The following PRKG1 variants were observed in gnomAD, a reference collection of about 807,000 sequenced individuals.
PRKG1 encodes protein kinase cGMP-dependent 1.
PRKG1 carries 35 observed loss-of-function variants against 88.1 expected under a neutral mutation model. The observed-to-expected ratio is 0.40, with a 90% CI of 0.30 to 0.53. PRKG1 has a LOEUF of 0.53. Ranked by LOEUF, PRKG1 falls within the 20% of genes least tolerant of loss-of-function variation. PRKG1 has a pLI of 0.59. For missense variants in PRKG1, 540 were observed against 839.8 expected (o/e 0.64, Z 4.41); for synonymous variants, 303 against 292.5 (o/e 1.04, Z -0.37).
intron 3 of PRKG1, among the ~76,000 whole-genome samples, chr10:51,489,011 C>T (rs1469284603): frequency 1.3e-5 from 2 of 152,096 alleles, no homozygotes; most frequent in African/African-American, 4.8e-5. Context: ...AAAAAAACTG[C>T]CGTTGGCAGG....
intron 5 of PRKG1, among the ~76,000 whole-genome samples, chr10:51,950,645 C>T (rs73337271): frequency 0.05 from 7,550 of 152,274 alleles, 616 homozygotes; most frequent in African/African-American, 0.17. Context: ...CCCTGAAGCC[C>T]CAGAGGGGGT....
At chr10:51,319,001 C>G (rs546834477) in intron 2 of PRKG1, among the ~76,000 whole-genome samples, 1 of 152,256 alleles carries the variant, frequency 6.6e-6, no homozygotes, top group African/African-American at 2.4e-5. Flanking sequence ...ATAGCATTAT[C>G]CTTGCCATTT....
chr10:51,588,464 A>G (rs1458216585), intron 3 of PRKG1, among the ~76,000 whole-genome samples: 1 of 152,200 alleles, frequency 6.6e-6, no homozygotes, highest in African/African-American at 2.4e-5. Context: ...TGCTCAATAG[A>G]TTTTGATCAA....
intron 3 of PRKG1, among the ~76,000 whole-genome samples, chr10:51,543,257 A>G (rs1165261318): frequency 6.6e-6 from 1 of 152,206 alleles, no homozygotes; most frequent in African/African-American, 2.4e-5. Context: ...AAAACAATAA[A>G]GAGTTTTAAA....
intron 1 of PRKG1, among the ~76,000 whole-genome samples, chr10:51,131,609 T>C (rs1845570367): frequency 6.6e-6 from 1 of 152,158 alleles, no homozygotes; most frequent in African/African-American, 2.4e-5. Flanking sequence ...CGTGCATACA[T>C]ACATACATAC....
intron 1 of PRKG1, among the ~76,000 whole-genome samples, chr10:51,120,544 C>T (rs553216973): frequency 3.3e-5 from 5 of 152,194 alleles, no homozygotes; most frequent in African/African-American, 1.2e-4. Context: ...AAAAGTTCAG[C>T]TCTGTCAAAT....
intron 2 of PRKG1, among the ~76,000 whole-genome samples, chr10:51,337,199 G>A (rs533384958): frequency 1.8e-4 from 28 of 152,262 alleles, no homozygotes; most frequent in African/African-American, 6.0e-4. Context: ...TAGAGAACTG[G>A]CTAGTCATAT....
At chr10:51,522,592 G>T (rs1363730931) in intron 3 of PRKG1, among the ~76,000 whole-genome samples, 1 of 152,126 alleles carries the variant, frequency 6.6e-6, no homozygotes, top group East Asian at 1.9e-4. Context: ...ATGTTTTGGG[G>T]ACAGTGAGGG....
chr10:51,493,541 A>T (rs1175590573), intron 3 of PRKG1, among the ~76,000 whole-genome samples: 1 of 152,210 alleles, frequency 6.6e-6, no homozygotes, highest in Non-Finnish European at 1.5e-5. Context: ...GACACAACAT[A>T]CTATAACTTA....
intron 3 of PRKG1, among the ~76,000 whole-genome samples, chr10:51,569,065 A>T (rs76987163): frequency 4.9e-4 from 75 of 152,178 alleles, no homozygotes; most frequent in Middle Eastern, 6.8e-3. Context: ...ATGAGCTGTT[A>T]ACCCTATACC....
intron 1 of PRKG1, among the ~76,000 whole-genome samples, chr10:51,002,872 G>T (rs1462846245): frequency 6.6e-6 from 1 of 152,144 alleles, no homozygotes; most frequent in Non-Finnish European, 1.5e-5. Flanking sequence ...TGGTCTTTTT[G>T]CTCAGATACT....
At chr10:51,523,125 G>C (rs1257289603) in intron 3 of PRKG1, among the ~76,000 whole-genome samples, 1 of 152,024 alleles carries the variant, frequency 6.6e-6, no homozygotes, top group Non-Finnish European at 1.5e-5. Context: ...TTTTAACATG[G>C]CAGTTGCTTA....
chr10:52,293,953 C>CAA lies in PRKG1; in HGVS notation c.*54_*55insAA. On this transcript the variant is annotated 3_prime_UTR_variant, in exon 18 of 18. Coordinates refer to ENST00000373980, the MANE Select transcript of PRKG1 (RefSeq NM_006258.4). Reference sequence around the variant, plus strand: ...GCTGAAGACAGCTTTTTCTGAGACACAGCTGCCAGCAAACCTGAGGGAAAG... The same window carrying CAA: ...GCTGAAGACAGCTTTTTCTGAGACACAAAGCTGCCAGCAAACCTGAGGGAAAG... 7.0e-7 allele frequency: 1 copy of CAA among 1,433,256 alleles called. No homozygotes were observed. The highest frequency in any genetic ancestry group is 9.8e-7 in the Non-Finnish European group (1 of 1,022,304). 88.8% of individuals were successfully genotyped at this position (1,433,256 alleles called of 1,614,324 possible). A position where few individuals can be genotyped will look rare whatever the true frequency, so the allele number is the denominator to read the frequency against.
intron 7 of PRKG1, among the ~76,000 whole-genome samples, 163 bp from the exon 8 acceptor site, chr10:52,133,677 G>T (rs1265818973): frequency 3.9e-5 from 6 of 152,098 alleles, no homozygotes; most frequent in Non-Finnish European, 8.8e-5. Context: ...AGGGTAAGAT[G>T]ATTCCTCAAA....
chr10:52,102,879 G>T (rs1847329235), intron 7 of PRKG1, among the ~76,000 whole-genome samples: 4 of 152,246 alleles, frequency 2.6e-5, no homozygotes, highest in South Asian at 4.2e-4. Context: ...AATGGTGAGA[G>T]AACTGGTACC....
intron 2 of PRKG1, among the ~76,000 whole-genome samples, chr10:51,399,463 A>G (rs1489220104): frequency 6.6e-6 from 1 of 152,184 alleles, no homozygotes; most frequent in East Asian, 1.9e-4. Context: ...ATGCATCCAC[A>G]AGCACATGGA....
chr10:51,341,666 G>A (rs1336844548), intron 2 of PRKG1, among the ~76,000 whole-genome samples: 2 of 152,154 alleles, frequency 1.3e-5, no homozygotes, highest in South Asian at 2.1e-4. Flanking sequence ...AGGAAGTGGT[G>A]TATAGTGACT....
intron 9 of PRKG1, among the ~76,000 whole-genome samples, chr10:52,227,315 T>C (rs1312684227): frequency 6.6e-6 from 1 of 152,144 alleles, no homozygotes; most frequent in African/African-American, 2.4e-5. Context: ...AATAAAAATA[T>C]AGTCAATCCC....
chr10:52,224,932 C>T (rs556210116), intron 9 of PRKG1, among the ~76,000 whole-genome samples: 2 of 151,002 alleles, frequency 1.3e-5, no homozygotes, highest in African/African-American at 4.9e-5. Context: ...ATGAATTGTG[C>T]TGCTATAAAC....
Sources: gnomAD v4.1 joint callset for allele counts (sites outside exome capture counted in the v4.1 genomes callset) on GRCh38, gnomAD v4.1.1 for gene constraint, MANE v1.5 for transcripts, NCBI Gene and HGNC (gene_info 2026-07-23, HGNC 2026-07-21) for gene names.